Variants in CPSF2 observed in about 807,000 individuals in gnomAD.
The protein encoded by CPSF2 is cleavage and polyadenylation specific factor 2, also known as cleavage and polyadenylation specificity factor subunit 2.
In CPSF2, 51 loss-of-function variants were observed where a neutral mutation model predicts 84.2. The ratio of observed to expected loss-of-function variants is 0.61; its 90% CI spans 0.48 to 0.77. CPSF2 has a LOEUF of 0.77. CPSF2 is among the 30% of genes least tolerant of loss of function. The pLI, the probability that CPSF2 is intolerant of heterozygous loss-of-function variation, is 0.00. For missense variants in CPSF2, 641 were observed against 929.4 expected (o/e 0.69, Z 4.03); for synonymous variants, 286 against 311.9 (o/e 0.92, Z 0.87).
At position 92,168,469 on chromosome 14, in the gene CPSF2, T is replaced by C. The variant is rs1567030529; in HGVS notation, c.*6725T>C. ...GGGTATCTTCTTGGCTTTTCCCTTT[T>C]CCTCCCCACCACTATACGCACATGC... On this transcript the variant is annotated 3_prime_UTR_variant, in exon 16 of 16. Transcript: ENST00000298875. 6.6e-6 allele frequency: 1 copy of C among 152,174 alleles called. No homozygotes were observed. The highest frequency in any genetic ancestry group is 1.5e-5 in the Non-Finnish European group (1 of 68,036). 9.4% of individuals were successfully genotyped at this position (152,174 alleles called of 1,614,324 possible).
At chr14:92,155,414 A>G in intron 11 of CPSF2, 91 bp downstream of exon 11, 1 of 1,073,458 alleles carries the variant, frequency 9.3e-7, no homozygotes, top group Non-Finnish European at 1.4e-6. Context: ...CTTTCACTTG[A>G]TCTTTCTAGT....
chr14:92,146,944 T>G (rs1215130574), intron 9 of CPSF2, among the ~76,000 whole-genome samples: 2 of 152,208 alleles, frequency 1.3e-5, no homozygotes, highest in Non-Finnish European at 2.9e-5. Flanking sequence ...CATTCAGGCC[T>G]CAGGTTTAAC....
In CPSF2 at chr14:92,150,111, C is replaced by CT. The variant is rs1279073581; in HGVS notation, c.1141-4239dup. Among the ~76,000 whole-genome samples the CT allele has an allele frequency of 4.2e-5, 6 of 143,552 alleles. 1 individual carries two copies. The highest frequency in any genetic ancestry group is 2.3e-4 in the East Asian group (1 of 4,370). The allele number at this position is 143,552 out of a possible 152,430, so 94.2% of individuals were successfully genotyped here. ...ACTAGCCACTTTTTTCTGGGAACACCTTTTTTTTGTTGGTATTTTTTTTTT... is the reference window on the plus strand; with the variant it reads ...ACTAGCCACTTTTTTCTGGGAACACCTTTTTTTTTGTTGGTATTTTTTTTTT... On this transcript the variant is annotated intron_variant, in intron 9 of 15. Coordinates refer to ENST00000298875, the MANE Select transcript of CPSF2 (RefSeq NM_017437.3).
Position 92,152,691 on chromosome 14 carries a change from G to A in CPSF2, c.1141-1667G>A, listed in dbSNP as rs984239580. On this transcript the variant is annotated intron_variant, in intron 9 of 15. Transcript: ENST00000298875. ...TGACCTTAGGTGATCTGCCTGCCTCGACCTCCCAAAGTACTAGGATTACAG... is the reference window on the plus strand; with the variant it reads ...TGACCTTAGGTGATCTGCCTGCCTCAACCTCCCAAAGTACTAGGATTACAG... Among the ~76,000 whole-genome samples, 7 of 152,152 alleles carry A rather than the reference G, an allele frequency of 4.6e-5. No homozygotes were observed. In the South Asian group the frequency reaches 6.2e-4, roughly 14 times the overall value.
chr14:92,138,940 A>G (rs185442239), intron 7 of CPSF2, among the ~76,000 whole-genome samples: 3 of 152,290 alleles, frequency 2.0e-5, no homozygotes, highest in Admixed American at 6.5e-5. Context: ...TGAAAAAAAT[A>G]TTATGTGACC....
intron 9 of CPSF2, among the ~76,000 whole-genome samples, chr14:92,153,780 T>G (rs375250279): frequency 6.7e-6 from 1 of 149,388 alleles, no homozygotes; most frequent in East Asian, 2.0e-4. Context: ...CACAGCTCAC[T>G]GCAGCCTTGA....
At position 92,123,495 on chromosome 14, in the gene CPSF2, C is replaced by G. The variant is rs186475426; in HGVS notation, c.-94+1367C>G. On this transcript the variant is annotated intron_variant, in intron 1 of 15. Transcript: ENST00000298875. ...CTCACTGCAACTTCCGCCTCCTGGGCTCAAGTAATCCTCCCACCTCAGCCT... is the reference window on the plus strand; with the variant it reads ...CTCACTGCAACTTCCGCCTCCTGGGGTCAAGTAATCCTCCCACCTCAGCCT... 2.4e-3 allele frequency among the ~76,000 whole-genome samples: 370 copies of G among 152,272 alleles called. 4 individuals are homozygous for G. Among genetic ancestry groups the G allele is most frequent in the Middle Eastern group, 3.4e-3 (1 of 294 alleles).
intron 14 of CPSF2, among the ~76,000 whole-genome samples, chr14:92,160,339 T>C (rs1395995238): frequency 6.6e-6 from 1 of 152,248 alleles, no homozygotes; most frequent in African/African-American, 2.4e-5. Flanking sequence ...AATCTTTAAG[T>C]ATAGATATAA....
At chr14:92,135,770 C>T (rs984364916) in intron 6 of CPSF2, among the ~76,000 whole-genome samples, 2 of 152,174 alleles carry the variant, frequency 1.3e-5, no homozygotes, top group African/African-American at 2.4e-5. Context: ...GAATTTTTTA[C>T]GTATCAAATT....
At chr14:92,137,119 C>T (rs974090087) in intron 6 of CPSF2, among the ~76,000 whole-genome samples, 2 of 151,572 alleles carry the variant, frequency 1.3e-5, no homozygotes, top group African/African-American at 2.4e-5. Context: ...TAAAAATATA[C>T]CAGTTGCAAG....
In CPSF2 at chr14:92,135,446, T is replaced by G; in HGVS notation, c.495T>G (p.Asp165Glu). ...IGGTIWKIVK[D>E]GEEEIVYAVD... The stretch of plus-strand genomic sequence containing the variant: ...GAACAATATGGAAAATAGTCAAAGA[T>G]GGAGAAGAAGAAATTGTTTATGCAG... The change falls in exon 6 of 16, where the codon GAT (aspartate) becomes GAG (glutamate). Residue 165 changes from aspartate to glutamate, a missense_variant. Physicochemically the swap from Asp to Glu is conservative, Grantham distance 45. Transcript: ENST00000298875. The G allele has an allele frequency of 6.2e-7, 1 of 1,613,480 alleles. No homozygotes were observed. Among genetic ancestry groups the G allele is most frequent in the Non-Finnish European group, 8.5e-7 (1 of 1,179,688 alleles).
rs368226881 is a variant in CPSF2 at position 92,133,334 on chromosome 14, G to A, written c.150-677G>A. Among the ~76,000 whole-genome samples the A allele has an allele frequency of 2.3e-4, 35 of 151,532 alleles. No individual in the cohort carries two copies. The South Asian group carries it at 2.9e-3, about 13-fold the overall frequency. On this transcript the variant is annotated intron_variant, in intron 3 of 15. Coordinates refer to ENST00000298875, the MANE Select transcript of CPSF2 (RefSeq NM_017437.3). ...CTCGGGAGGCTGAGGCAGGAGAATCGCTTGAACCTGGGAGGCAGAGGTTGT... is the reference window on the plus strand; with the variant it reads ...CTCGGGAGGCTGAGGCAGGAGAATCACTTGAACCTGGGAGGCAGAGGTTGT...
At position 92,130,981 on chromosome 14, in the gene CPSF2, A is replaced by G; in HGVS notation, c.-4A>G. 6.2e-7 allele frequency: 1 copy of G among 1,608,056 alleles called. No homozygotes were observed. The highest frequency in any genetic ancestry group is 8.5e-7 in the Non-Finnish European group (1 of 1,178,694). On this transcript the variant is annotated 5_prime_UTR_variant, in exon 3 of 16. Coordinates refer to ENST00000298875, the MANE Select transcript of CPSF2 (RefSeq NM_017437.3). ...TCTAGCTTGCTGTTTCTGGACCAAA[A>G]AAAATGACGTCTATTATCAAATTAA...
intron 9 of CPSF2, among the ~76,000 whole-genome samples, chr14:92,150,810 G>T (rs1455094421): frequency 2.0e-5 from 3 of 152,044 alleles, no homozygotes; most frequent in Non-Finnish European, 1.5e-5. Flanking sequence ...AATACATTGA[G>T]CCTGTCACTC....
chr14:92,149,357 G>A (rs2069182532), intron 9 of CPSF2, among the ~76,000 whole-genome samples: 1 of 152,192 alleles, frequency 6.6e-6, no homozygotes, highest in Non-Finnish European at 1.5e-5. Flanking sequence ...TAAGATGGGA[G>A]GTTCACCTGA....
In CPSF2 at chr14:92,157,074, T is replaced by C. The variant is rs2069299995; in HGVS notation, c.1595+443T>C. Among the ~76,000 whole-genome samples the C allele has an allele frequency of 6.6e-6, 1 of 152,196 alleles. No individual in the cohort carries two copies. The highest frequency in any genetic ancestry group is 1.9e-4 in the East Asian group (1 of 5,200). On this transcript the variant is annotated intron_variant, in intron 12 of 15. Coordinates refer to ENST00000298875, the MANE Select transcript of CPSF2 (RefSeq NM_017437.3). The surrounding 1 kb of genome is among the most constrained non-coding windows in gnomAD (Gnocchi z 4.0). ...TGATCTGAAGTAGTTAGAAACCTTT[T>C]TTCTCCCGCTTTCTACTTAGTTAAA...
In CPSF2 at chr14:92,167,556, C is replaced by T. The variant is rs1277640271; in HGVS notation, c.*5812C>T. On this transcript the variant is annotated 3_prime_UTR_variant, in exon 16 of 16. Transcript: ENST00000298875. The stretch of plus-strand genomic sequence containing the variant: ...GATTGGAACCAAGTCTTAGAGAATC[C>T]ATTGTTGCTTCTACACTGCATTATT... The T allele has an allele frequency of 6.6e-6, 1 of 152,118 alleles. No individual in the cohort carries two copies. The highest frequency in any genetic ancestry group is 1.5e-5 in the Non-Finnish European group (1 of 68,028). The allele number at this position is 152,118 out of a possible 1,614,324, so 9.4% of individuals were successfully genotyped here.
rs1176408149 is a variant in CPSF2, at chr14:92,171,756, C to T, written c.*10012C>T. 1 of 152,132 alleles carries T rather than the reference C, an allele frequency of 6.6e-6. No homozygotes were observed. The highest frequency in any genetic ancestry group is 1.5e-5 in the Non-Finnish European group (1 of 68,020). 9.4% of individuals were successfully genotyped at this position (152,132 alleles called of 1,614,324 possible). The stretch of plus-strand genomic sequence containing the variant: ...TCCATATATATATTAAAAACAAGTA[C>T]ACACTGATACCTATTTCACATCTAC... On this transcript the variant is annotated 3_prime_UTR_variant, in exon 16 of 16. Transcript: ENST00000298875.
chr14:92,142,399 G>T (rs778724854), intron 8 of CPSF2, 48 bp downstream of exon 8: 5 of 1,397,036 alleles, frequency 3.6e-6, no homozygotes, highest in Admixed American at 4.4e-5. Flanking sequence ...CAGTGATTGG[G>T]TCTGTGGAAG....
Sources: gnomAD v4.1 joint callset for allele counts (sites outside exome capture counted in the v4.1 genomes callset) on GRCh38, gnomAD v4.1.1 for gene constraint, Gnocchi (gnomAD v3.1) non-coding constraint, MANE v1.5 for transcripts, NCBI Gene and HGNC (gene_info 2026-07-23, HGNC 2026-07-21) for gene names.